Variants in GLRA2 observed in about 807,000 individuals in gnomAD.
The protein encoded by GLRA2 is glycine receptor alpha 2, also known as glycine receptor subunit alpha-2.
Under a neutral mutation model 31.6 loss-of-function variants are expected in GLRA2, and 11 were observed. The observed-to-expected ratio is 0.35, with a 90% CI of 0.22 to 0.58. The LOEUF is 0.58. Among genes scored for constraint, GLRA2 ranks in the 20% least tolerant of loss-of-function variants. The probability of loss-of-function intolerance (pLI) is 0.84; values close to 1 mark genes in which losing one functional copy is unlikely to be tolerated. For synonymous variants in GLRA2, 132 were observed against 134.0 expected, an observed-to-expected ratio of 0.99 and a Z score of 0.10; for missense variants, 212 against 351.8, an observed-to-expected ratio of 0.60 and a Z score of 3.18.
At chrX:14,505,734 CA>C in the GLRA2 span, among the ~76,000 whole-genome samples, 1 of 111,200 alleles carries the variant, frequency 9.0e-6, no homozygotes, top group African/African-American at 3.3e-5. Context: ...ACATTTTTTT[CA>C]AATAAAACCT....
intron 7 of GLRA2, among the ~76,000 whole-genome samples, chrX:14,669,104 A>G (rs1474367213): frequency 8.9e-6 from 1 of 112,504 alleles, no homozygotes; most frequent in African/African-American, 3.2e-5. Flanking sequence ...CAAAGGGGCT[A>G]CAGGCCCCAT....
intron 7 of GLRA2, among the ~76,000 whole-genome samples, chrX:14,681,552 C>G (rs1486136877): frequency 9.1e-6 from 1 of 110,310 alleles, no homozygotes; most frequent in East Asian, 2.8e-4. Context: ...AAAACGAAAA[C>G]AAAAAAATAA....
chrX:14,684,579 A>G (rs935617045), intron 7 of GLRA2, among the ~76,000 whole-genome samples: 16 of 111,475 alleles, frequency 1.4e-4, no homozygotes, highest in African/African-American at 3.9e-4. Context: ...CTTTGAAGCA[A>G]TTGTGAATGG....
chrX:14,460,105 G>T, the GLRA2 span, among the ~76,000 whole-genome samples: 1 of 111,904 alleles, frequency 8.9e-6, no homozygotes, highest in East Asian at 2.8e-4. Context: ...TTTGTTGAAG[G>T]CCTTTTCTAC....
chrX:14,651,703 T>C (rs2090892000), intron 7 of GLRA2, among the ~76,000 whole-genome samples: 1 of 111,793 alleles, frequency 8.9e-6, no homozygotes, highest in Non-Finnish European at 1.9e-5. Context: ...TTCAAAATTG[T>C]CTAACAACAC....
chrX:14,453,398 A>C, the GLRA2 span, among the ~76,000 whole-genome samples: 6 of 111,691 alleles, frequency 5.4e-5, no homozygotes, highest in East Asian at 1.1e-3. Flanking sequence ...CTACAATCAC[A>C]GAATAGCCCT....
intron 7 of GLRA2, among the ~76,000 whole-genome samples, chrX:14,667,706 T>G (rs953106157): frequency 9.0e-6 from 1 of 111,104 alleles, no homozygotes; most frequent in African/African-American, 3.3e-5. Context: ...TCTCTTTAAA[T>G]AGTAAAGAAA....
At chrX:14,469,742 G>A in the GLRA2 span, among the ~76,000 whole-genome samples, 5 of 104,008 alleles carry the variant, frequency 4.8e-5, no homozygotes, top group African/African-American at 1.0e-4. Flanking sequence ...TATACCTAAT[G>A]CTAAATGACG....
intron 4 of GLRA2, among the ~76,000 whole-genome samples, chrX:14,591,186 G>A (rs1276101360): frequency 4.5e-5 from 5 of 111,863 alleles, no homozygotes; most frequent in Admixed American, 2.8e-4. Context: ...GTTCCCTAGA[G>A]GGACAGAACT....
rs377424183 is a variant in GLRA2 at position 14,704,662 on chromosome X, T to C, written c.1080+13803T>C. 2.7e-5 allele frequency among the ~76,000 whole-genome samples: 3 copies of C among 111,932 alleles called. No individual in the cohort carries two copies. The East Asian group carries it at 8.4e-4, about 31-fold the overall frequency. ...GACGCGAGTATAACCGTTTATAAAA[T>C]AAATGACCTTGGCTCTGTGCAGGAG... On this transcript the variant is annotated intron_variant, in intron 8 of 8. Transcript: ENST00000218075.
At chrX:14,449,624 C>T in the GLRA2 span, among the ~76,000 whole-genome samples, 1 of 112,208 alleles carries the variant, frequency 8.9e-6, no homozygotes, top group African/African-American at 3.2e-5. Context: ...AGACTACCTG[C>T]CTGGGTCTCC....
rs763384378 is a variant in GLRA2, at chrX:14,574,318, C to T, written c.203-15C>T. Reference sequence around the variant, plus strand: ...GCTTCAATGTCTATTGCAATATTCTCATTGCATTCTGCAGGTCCTCCAGTA... The same window carrying T: ...GCTTCAATGTCTATTGCAATATTCTTATTGCATTCTGCAGGTCCTCCAGTA... On this transcript the variant is annotated splice_polypyrimidine_tract_variant and intron_variant, in intron 2 of 8. Transcript: ENST00000218075. 2.1e-5 allele frequency: 24 copies of T among 1,118,203 alleles called. No individual in the cohort carries two copies. In the African/African-American group the frequency reaches 4.0e-4, roughly 18 times the overall value. The allele number at this position is 1,118,203 out of a possible 1,213,427, so 92.2% of individuals were successfully genotyped here. A position where few individuals can be genotyped will look rare whatever the true frequency, so the allele number is the denominator to read the frequency against.
At chrX:14,556,541 T>C (rs2089645063) in intron 2 of GLRA2, among the ~76,000 whole-genome samples, 1 of 112,142 alleles carries the variant, frequency 8.9e-6, no homozygotes, top group East Asian at 2.8e-4. Context: ...TAGAAATATA[T>C]GTAAATTATT....
intron 8 of GLRA2, among the ~76,000 whole-genome samples, chrX:14,705,083 T>A (rs986109992): frequency 8.9e-6 from 1 of 112,426 alleles, no homozygotes; most frequent in African/African-American, 3.2e-5. Context: ...ACTCATCTTG[T>A]TATTGTCAGT....
rs767675267 is a variant in GLRA2, at chrX:14,608,363, T to C, written c.716-628T>C. Reference sequence around the variant, plus strand: ...GCATATGCTAAATGTCCTGAAGCAATTACCCAGAAGGCTAGGAAATTTTTA... The same window carrying C: ...GCATATGCTAAATGTCCTGAAGCAACTACCCAGAAGGCTAGGAAATTTTTA... On this transcript the variant is annotated intron_variant, in intron 6 of 8. Coordinates refer to ENST00000218075, the MANE Select transcript of GLRA2 (RefSeq NM_002063.4). Among the ~76,000 whole-genome samples the C allele has an allele frequency of 1.3e-3, 140 of 111,654 alleles. 1 individual carries two copies. Among genetic ancestry groups the C allele is most frequent in the Non-Finnish European group, 2.3e-3 (122 of 53,066 alleles).
At chrX:14,468,767 T>A in the GLRA2 span, among the ~76,000 whole-genome samples, 1 of 111,218 alleles carries the variant, frequency 9.0e-6, no homozygotes, top group Non-Finnish European at 1.9e-5. Context: ...TTGAACTAGT[T>A]CACAGTCCCA....
chrX:14,531,074 T>C, intron 1 of GLRA2: 1 of 964,902 alleles, frequency 1.0e-6, no homozygotes, highest in Non-Finnish European at 1.3e-6. Context: ...AGAAAAAATA[T>C]AGGCTGGTTT....
intron 3 of GLRA2, 196 bp downstream of exon 3, chrX:14,574,596 G>A (rs770173022): frequency 9.9e-7 from 1 of 1,014,122 alleles, no homozygotes; most frequent in South Asian, 1.9e-5. Flanking sequence ...TCGTGTGAAG[G>A]AATGGGATGT....
intron 2 of GLRA2, among the ~76,000 whole-genome samples, chrX:14,542,510 T>A (rs867622610): frequency 8.1e-5 from 9 of 111,209 alleles, no homozygotes; most frequent in African/African-American, 2.6e-4. Context: ...TCTTGTCCGG[T>A]CAAAGCTGTA....
Sources: gnomAD v4.1 joint callset for allele counts (sites outside exome capture counted in the v4.1 genomes callset) on GRCh38, gnomAD v4.1.1 for gene constraint, MANE v1.5 for transcripts, NCBI Gene and HGNC (gene_info 2026-07-23, HGNC 2026-07-21) for gene names.